Variants in VWA1 observed in about 807,000 individuals in gnomAD.
The protein encoded by VWA1 is von Willebrand factor A domain containing 1, also known as von Willebrand factor A domain-containing protein 1.
Under a neutral mutation model 14.9 loss-of-function variants are expected in VWA1, and 12 were observed. The ratio of observed to expected loss-of-function variants is 0.80; its 90% CI spans 0.52 to 1.30. VWA1 has a LOEUF of 1.30. Ranked by LOEUF, VWA1 falls within the 50% of genes most tolerant of loss-of-function variation. The pLI is 0.00. For synonymous variants in VWA1, 368 were observed against 310.7 expected (o/e 1.18, Z -1.94); for missense variants, 800 against 649.1 (o/e 1.23, Z -2.53).
At position 1,436,944 on chromosome 1, in the gene VWA1, C is replaced by A. The variant is rs775355630; in HGVS notation, c.91C>A (p.Pro31Thr). The change falls in exon 2 of 3, where the codon CCC becomes ACC. Residue 31 changes from proline (P) to threonine (T), a missense_variant. Pro to Thr is a conservative substitution (Grantham distance 38). Transcript: ENST00000476993. ...TCCCCCAGGTCCACCAGCATCAGCCCCCCGAGGGGACCTGATGTTCCTGCT... is the reference window on the plus strand; with the variant it reads ...TCCCCCAGGTCCACCAGCATCAGCCACCCGAGGGGACCTGATGTTCCTGCT... ...GAERGPPASAPRGDLMFLLDS... is the reference protein window; with the variant it reads ...GAERGPPASATRGDLMFLLDS... The A allele has an allele frequency of 6.2e-6, 10 of 1,606,034 alleles. No homozygotes were observed. The Admixed American group carries it at 1.7e-4, about 27-fold the overall frequency.
chr1:1,441,188 G>C lies in VWA1; in HGVS notation c.*1401G>C, dbSNP rs1243274755. ...TGAGGTGGTCTCAGTCCCTCCCTCA[G>C]GTCTGGTGGGCATTGTGCCAGGGGC... On this transcript the variant is annotated 3_prime_UTR_variant, in exon 3 of 3. Coordinates refer to ENST00000476993, the MANE Select transcript of VWA1 (RefSeq NM_022834.5). 1 of 152,278 alleles carries C rather than the reference G, an allele frequency of 6.6e-6. No homozygotes were observed. Among genetic ancestry groups the C allele is most frequent in the African/African-American group, 2.4e-5 (1 of 41,462 alleles). The allele number at this position is 152,278 out of a possible 1,614,324, so 9.4% of individuals were successfully genotyped here. A position where few individuals can be genotyped will look rare whatever the true frequency, so the allele number is the denominator to read the frequency against.
rs1261354392 is a variant in VWA1, at chr1:1,439,405, C to T, written c.956C>T (p.Pro319Leu). 1.4e-6 allele frequency: 2 copies of T among 1,439,780 alleles called. No homozygotes were observed. Among genetic ancestry groups the T allele is most frequent in the Non-Finnish European group, 1.8e-6 (2 of 1,107,924 alleles). 89.2% of individuals were successfully genotyped at this position (1,439,780 alleles called of 1,614,324 possible). A position where few individuals can be genotyped will look rare whatever the true frequency, so the allele number is the denominator to read the frequency against. The change falls in exon 3 of 3, where the codon CCG (proline) becomes CTG (leucine). Residue 319 changes from proline to leucine, a missense_variant. Coordinates refer to ENST00000476993, the MANE Select transcript of VWA1 (RefSeq NM_022834.5). ...TCGGGCCCGGAGTCGGGGGCTGGGC[C>T]GGCCCCCACGCAGCTCGCCGCCCTC... ...GASGPESGAGPAPTQLAALPA... is the reference protein window; with the variant it reads ...GASGPESGAGLAPTQLAALPA...
In VWA1 at chr1:1,440,252, G is replaced by A. The variant is rs1638640453; in HGVS notation, c.*465G>A. On this transcript the variant is annotated 3_prime_UTR_variant, in exon 3 of 3. Coordinates refer to ENST00000476993, the MANE Select transcript of VWA1 (RefSeq NM_022834.5). ...CGCAAAGGCTTCTGAAGAAGAGGAA[G>A]GGCGAGTAGGGGCACCTGGACGCTG... is the stretch of plus-strand genomic sequence containing the variant. The A allele has an allele frequency of 6.0e-6, 1 of 166,980 alleles. No individual in the cohort carries two copies. The highest frequency in any genetic ancestry group is 6.5e-5 in the Admixed American group (1 of 15,288). 10.3% of individuals were successfully genotyped at this position (166,980 alleles called of 1,614,324 possible).
rs1034306937 is a variant in VWA1 at position 1,436,678 on chromosome 1, C to T, written c.74-249C>T. On this transcript the variant is annotated intron_variant, in intron 1 of 2. Coordinates refer to ENST00000476993, the MANE Select transcript of VWA1 (RefSeq NM_022834.5). ...AATGGGAAGGTGTGGGGGCTTGGAGCGGAGAGTCGCCCTCTCACAGATGGG... is the reference window on the plus strand; with the variant it reads ...AATGGGAAGGTGTGGGGGCTTGGAGTGGAGAGTCGCCCTCTCACAGATGGG... 21 of 465,562 alleles carry T rather than the reference C, an allele frequency of 4.5e-5. No individual in the cohort carries two copies. In the Admixed American group the frequency reaches 6.6e-4, roughly 15 times the overall value. 28.8% of individuals were successfully genotyped at this position (465,562 alleles called of 1,614,324 possible).
rs1337994807 is a variant in VWA1 at position 1,439,986 on chromosome 1, C to G, written c.*199C>G. ...CCTGCCCTCCAGGGCTGGGGCCTCG[C>G]CTGGCGGGACCCCGCAGCAGCCCCG... On this transcript the variant is annotated 3_prime_UTR_variant, in exon 3 of 3. Coordinates refer to ENST00000476993, the MANE Select transcript of VWA1 (RefSeq NM_022834.5). 3.5e-5 allele frequency: 19 copies of G among 535,536 alleles called. No individual in the cohort carries two copies. Among genetic ancestry groups the G allele is most frequent in the Non-Finnish European group, 4.5e-5 (18 of 403,808 alleles). 33.2% of individuals were successfully genotyped at this position (535,536 alleles called of 1,614,324 possible).
Position 1,435,753 on chromosome 1 carries a change from T to C in VWA1, c.5T>C (p.Leu2Pro). 2 of 1,205,552 alleles carry C rather than the reference T, an allele frequency of 1.7e-6. No individual in the cohort carries two copies. The highest frequency in any genetic ancestry group is 2.3e-5 in the South Asian group (1 of 44,206). 74.7% of individuals were successfully genotyped at this position (1,205,552 alleles called of 1,614,324 possible). The change falls in exon 1 of 3, where the codon CTC becomes CCC. Residue 2 changes from leucine (L) to proline (P), a missense_variant. Coordinates refer to ENST00000476993, the MANE Select transcript of VWA1 (RefSeq NM_022834.5). ...GCGCCCCGTCCCTCGCGCGCGATGC[T>C]CCCCTGGACGGCGCTCGGCCTGGCC... M[L>P]PWTALGLALS...
Position 1,439,109 on chromosome 1 carries a change from C to CACGGAA in VWA1, c.665_666insAACGGA (p.Thr221_Glu222dup). ...CGATGCGGCCGCAGCAGCTCCATGC[C>CACGGAA]ACGGAGATCACGTCCAGCGGCTTCC... On this transcript the variant is annotated inframe_insertion, in exon 3 of 3. Coordinates refer to ENST00000476993, the MANE Select transcript of VWA1 (RefSeq NM_022834.5). 6.3e-7 allele frequency: 1 copy of CACGGAA among 1,599,914 alleles called. No individual in the cohort carries two copies. Among genetic ancestry groups the CACGGAA allele is most frequent in the Non-Finnish European group, 8.5e-7 (1 of 1,179,484 alleles).
In VWA1 at chr1:1,439,387, C is replaced by G; in HGVS notation, c.938C>G (p.Pro313Arg). 3 of 1,484,052 alleles carry G rather than the reference C, an allele frequency of 2.0e-6. No homozygotes were observed. The highest frequency in any genetic ancestry group is 1.8e-6 in the Non-Finnish European group (2 of 1,124,434). The allele number at this position is 1,484,052 out of a possible 1,614,324, so 91.9% of individuals were successfully genotyped here. ...PGEAGPGASG[P>R]ESGAGPAPTQ... ...GAGGCAGGGCCGGGGGCTTCGGGCC[C>G]GGAGTCGGGGGCTGGGCCGGCCCCC... is the stretch of plus-strand genomic sequence containing the variant. The change falls in exon 3 of 3, where the codon CCG becomes CGG. Residue 313 changes from proline to arginine, a missense_variant. Pro to Arg is a moderately radical substitution (Grantham distance 103). Coordinates refer to ENST00000476993, the MANE Select transcript of VWA1 (RefSeq NM_022834.5).
chr1:1,436,464 C>A (rs1557768829), intron 1 of VWA1, among the ~76,000 whole-genome samples: 1 of 152,208 alleles, frequency 6.6e-6, no homozygotes, highest in African/African-American at 2.4e-5. Context: ...GCTGTGCCTC[C>A]GACACCTTCC....
intron 1 of VWA1, among the ~76,000 whole-genome samples, chr1:1,436,362 G>C (rs942938765): frequency 6.8e-6 from 1 of 147,290 alleles, no homozygotes; most frequent in Non-Finnish European, 1.5e-5. Context: ...TGTTGTGTGA[G>C]TCCAGGTGGG....
rs1320063006 is a variant in VWA1 at position 1,437,047 on chromosome 1, C to T, written c.194C>T (p.Pro65Leu). ...EFVGQLVAPL[P>L]LGTGALRASL... ...GTGGGGCAGCTGGTGGCTCCACTGC[C>T]CCTGGGCACCGGGGCCCTGCGTGCC... The change falls in exon 2 of 3, where the codon CCC becomes CTC. Residue 65 changes from proline to leucine, a missense_variant. Coordinates refer to ENST00000476993, the MANE Select transcript of VWA1 (RefSeq NM_022834.5). 1.9e-6 allele frequency: 3 copies of T among 1,611,256 alleles called. No individual in the cohort carries two copies. The highest frequency in any genetic ancestry group is 1.7e-5 in the Admixed American group (1 of 59,754).
In VWA1 at chr1:1,441,725, C is replaced by T. The variant is rs893611991; in HGVS notation, c.*1938C>T. ...CACGTGAGAGGAGATGCCTCTTGCACACTGAGCCCAGGCCCAGCTCACGGA... is the reference window on the plus strand; with the variant it reads ...CACGTGAGAGGAGATGCCTCTTGCATACTGAGCCCAGGCCCAGCTCACGGA... On this transcript the variant is annotated 3_prime_UTR_variant, in exon 3 of 3. Transcript: ENST00000476993. 1 of 152,352 alleles carries T rather than the reference C, an allele frequency of 6.6e-6. No individual in the cohort carries two copies. The highest frequency in any genetic ancestry group is 1.5e-5 in the Non-Finnish European group (1 of 68,112). 9.4% of individuals were successfully genotyped at this position (152,352 alleles called of 1,614,324 possible).
chr1:1,437,396 T>C lies in VWA1; in HGVS notation c.543T>C (p.Ala181=), dbSNP rs767482930. Residue 181 remains alanine, a synonymous_variant, in exon 2 of 3, where the codon GCT becomes GCC. Transcript: ENST00000476993. Reference sequence around the variant, plus strand: ...GCAACTTCCTGGAGCTGTCAGCCGCTGCCTCAGCCCCTGCCGAGAAGCACC... The same window carrying C: ...GCAACTTCCTGGAGCTGTCAGCCGCCGCCTCAGCCCCTGCCGAGAAGCACC... ...GRGNFLELSA[A]ASAPAEKHLH... 2 of 1,612,698 alleles carry C rather than the reference T, an allele frequency of 1.2e-6. No individual in the cohort carries two copies. Among genetic ancestry groups the C allele is most frequent in the Non-Finnish European group, 1.7e-6 (2 of 1,179,990 alleles).
In VWA1 at chr1:1,442,602, C is replaced by T. The variant is rs902409432; in HGVS notation, c.*2815C>T. 6.6e-6 allele frequency: 1 copy of T among 152,302 alleles called. No individual in the cohort carries two copies. The highest frequency in any genetic ancestry group is 1.5e-5 in the Non-Finnish European group (1 of 68,084). 9.4% of individuals were successfully genotyped at this position (152,302 alleles called of 1,614,324 possible). On this transcript the variant is annotated 3_prime_UTR_variant, in exon 3 of 3. Transcript: ENST00000476993. ...CAGTCCCTGACAGGTTGTGCGAGGC[C>T]CTTCGCTGGACAGCCCATTGCTGGC...
intron 1 of VWA1, 84 bp downstream of exon 1, chr1:1,435,905 C>A (rs1323329152): frequency 2.3e-6 from 2 of 858,864 alleles, no homozygotes; most frequent in South Asian, 6.0e-5. Context: ...GTCGCTGTCC[C>A]CTGCTCCGGA....
intron 1 of VWA1, among the ~76,000 whole-genome samples, chr1:1,436,035 G>A (rs184469369): frequency 2.0e-5 from 3 of 152,192 alleles, no homozygotes; most frequent in Non-Finnish European, 4.4e-5. Flanking sequence ...CCGGGGCATA[G>A]GGGCCGTCCC....
Position 1,435,829 on chromosome 1 carries a change from C to G in VWA1, c.73+8C>G. ...GGAGCGGCGCGGAGCGCGGTGAGTG[C>G]GGCGGGCGGCCGGGCCGGGGCTGGG... is the stretch of plus-strand genomic sequence containing the variant. On this transcript the variant is annotated splice_region_variant and intron_variant, in intron 1 of 2. Transcript: ENST00000476993. 2.7e-6 allele frequency: 3 copies of G among 1,115,122 alleles called. No individual in the cohort carries two copies. The highest frequency in any genetic ancestry group is 3.3e-6 in the Non-Finnish European group (3 of 919,982). 69.1% of individuals were successfully genotyped at this position (1,115,122 alleles called of 1,614,324 possible).
chr1:1,438,907 G>C (rs760629580), intron 2 of VWA1, among the ~76,000 whole-genome samples, 174 bp from the exon 3 acceptor site: 3 of 152,202 alleles, frequency 2.0e-5, no homozygotes, highest in Non-Finnish European at 2.9e-5. Context: ...GCCAAGGCAC[G>C]TTCTGAGAAT....
chr1:1,436,060 C>T (rs899325694), intron 1 of VWA1, among the ~76,000 whole-genome samples: 6 of 152,072 alleles, frequency 3.9e-5, no homozygotes, highest in Non-Finnish European at 7.4e-5. Flanking sequence ...CGCATCTCTG[C>T]GGGATCGCGG....
Sources: allele counts gnomAD v4.1 joint callset (sites outside exome capture counted in the v4.1 genomes callset), GRCh38; gene constraint gnomAD v4.1.1; transcripts MANE v1.5; gene names NCBI Gene and HGNC (gene_info 2026-07-23, HGNC 2026-07-21).